The following DNMBP variants were observed in gnomAD, a reference collection of about 807,000 sequenced individuals.
DNMBP encodes the protein dynamin-binding protein.
A neutral mutation model predicts 150.0 loss-of-function variants in DNMBP; 87 were observed. The observed-to-expected ratio is 0.58, with a 90% CI of 0.49 to 0.69. DNMBP has a LOEUF of 0.69. DNMBP is among the 30% of genes least tolerant of loss of function. DNMBP has a pLI of 0.00. For synonymous variants in DNMBP, 711 were observed against 750.4 expected (o/e 0.95, Z 0.86); for missense variants, 1,774 against 1,949.0 (o/e 0.91, Z 1.69).
At chr10:99,889,555 G>C (rs1232325994) in intron 11 of DNMBP, 1 of 152,198 alleles carries the variant, frequency 6.6e-6, no homozygotes, top group Non-Finnish European at 1.5e-5. Flanking sequence ...AGAGACTTTT[G>C]TCTGTTTTGT....
chr10:99,922,502 GTTTTT>G (rs71189108), intron 4 of DNMBP, among the ~76,000 whole-genome samples: 4 of 78,774 alleles, frequency 5.1e-5, no homozygotes, highest in East Asian at 3.9e-4. Context: ...AGCTGCTGCT[GTTTTT>G]TTTTTTTTTT....
chr10:99,993,495 T>C (rs1485145264), intron 1 of DNMBP, among the ~76,000 whole-genome samples: 2 of 152,224 alleles, frequency 1.3e-5, no homozygotes, highest in East Asian at 3.8e-4. Flanking sequence ...GAAATCTCTA[T>C]ACTTCACACA....
chr10:99,967,668 GGTGTGTGTGTGTGTGT>G (rs140839578), intron 3 of DNMBP, among the ~76,000 whole-genome samples: 3 of 145,562 alleles, frequency 2.1e-5, no homozygotes, highest in Non-Finnish European at 4.5e-5. Flanking sequence ...GGTTTTTCTG[GGTGTGTGTGTGTGTGT>G]GTGTGTGTGT....
intron 6 of DNMBP, among the ~76,000 whole-genome samples, chr10:99,903,103 T>C (rs1343966604): frequency 1.9e-5 from 1 of 51,558 alleles, no homozygotes; most frequent in East Asian, 3.3e-4. Flanking sequence ...CCTGGGCAAT[T>C]TTTTTTTTTT....
At chr10:99,896,198 G>A (rs2039650239) in intron 10 of DNMBP, 69 bp downstream of exon 10, 1 of 1,554,940 alleles carries the variant, frequency 6.4e-7, no homozygotes, top group Non-Finnish European at 8.8e-7. Context: ...TTGACGCCAG[G>A]CAGGCTGTCT....
intron 11 of DNMBP, 57 bp from the exon 12 acceptor site, chr10:99,889,010 C>A: frequency 1.2e-6 from 2 of 1,601,636 alleles, no homozygotes; most frequent in South Asian, 1.1e-5. Flanking sequence ...CAGCTTTTGT[C>A]ATACATTCCA....
intron 6 of DNMBP, among the ~76,000 whole-genome samples, chr10:99,903,630 C>G (rs2039779394): frequency 6.6e-6 from 1 of 151,930 alleles, no homozygotes; most frequent in Non-Finnish European, 1.5e-5. Flanking sequence ...CCGTGCCTGG[C>G]CTTCACGGCC....
intron 4 of DNMBP, among the ~76,000 whole-genome samples, chr10:99,929,437 C>T (rs1207285377): frequency 6.6e-6 from 1 of 152,166 alleles, no homozygotes; most frequent in Non-Finnish European, 1.5e-5. Context: ...TTGCTCTGTA[C>T]AATGCCTTCC....
intron 1 of DNMBP, among the ~76,000 whole-genome samples, chr10:100,001,408 T>TTG (rs900843542): frequency 9.3e-5 from 5 of 53,752 alleles, no homozygotes; most frequent in African/African-American, 3.1e-4. Flanking sequence ...GGTTTTGTTG[T>TTG]TGTTGTTTTT....
At chr10:99,902,091 C>T (rs2039749714) in intron 6 of DNMBP, among the ~76,000 whole-genome samples, 1 of 151,750 alleles carries the variant, frequency 6.6e-6, no homozygotes, top group African/African-American at 2.4e-5. Context: ...GGTTTCGGCA[C>T]GTTGGTCAGG....
intron 4 of DNMBP, among the ~76,000 whole-genome samples, chr10:99,937,036 G>C (rs920976420): frequency 6.6e-6 from 1 of 152,148 alleles, no homozygotes; most frequent in African/African-American, 2.4e-5. Context: ...AAGTAGCTGA[G>C]ATTACAGGTG....
intron 4 of DNMBP, among the ~76,000 whole-genome samples, chr10:99,922,088 A>G (rs1445863969): frequency 6.6e-6 from 1 of 152,026 alleles, no homozygotes; most frequent in Non-Finnish European, 1.5e-5. Context: ...CCTCCCAAAT[A>G]TGACTACCAG....
Position 99,957,154 on chromosome 10 carries a change from C to T in DNMBP, c.320G>A (p.Arg107Gln), listed in dbSNP as rs922498924. 18 of 1,609,954 alleles carry T rather than the reference C, an allele frequency of 1.1e-5. No individual in the cohort carries two copies. The highest frequency in any genetic ancestry group is 8.8e-5 in the South Asian group (8 of 91,084). The change falls in exon 4 of 17, where the codon CGA becomes CAA. Residue 107 changes from arginine to glutamine, a missense_variant. Physicochemically the swap from Arg to Gln is conservative, Grantham distance 43. This residue lies in a region of DNMBP where 344 missense variants were observed against 456.6 expected (regional missense o/e 0.75). Coordinates refer to ENST00000324109, the MANE Select transcript of DNMBP (RefSeq NM_015221.4). ...GIPTAGWLQG[R>Q]SCWGARGFFP... ...GAAGCCCCGTGCGCCCCAGCAGCTT[C>T]GGCCCTGCAGCCAGCCTGCAGTGGG...
intron 6 of DNMBP, 69 bp from the exon 7 acceptor site, chr10:99,900,135 C>A: frequency 3.9e-6 from 6 of 1,545,382 alleles, no homozygotes; most frequent in South Asian, 1.2e-5. Context: ...ATGTAAGGTA[C>A]ACAGCCAAAC....
At position 99,976,524 on chromosome 10, in the gene DNMBP, T is replaced by G. The variant is rs1461506950; in HGVS notation, c.-10-4390A>C. On this transcript the variant is annotated intron_variant, in intron 1 of 16. Transcript: ENST00000324109. ...TCCACGCCCTTGCTATATTGCTGTT[T>G]ATGATCTGCTATGGAGGGGAGACCA... is the stretch of plus-strand genomic sequence containing the variant. 9.2e-5 allele frequency among the ~76,000 whole-genome samples: 14 copies of G among 152,340 alleles called. No individual in the cohort carries two copies. In the East Asian group the frequency reaches 2.7e-3, roughly 29 times the overall value.
intron 4 of DNMBP, chr10:99,914,077 T>G: frequency 7.0e-7 from 1 of 1,422,608 alleles, no homozygotes; most frequent in Non-Finnish European, 9.2e-7. Flanking sequence ...GGGTCGGCAT[T>G]TCCCCCAGGC....
chr10:99,906,747 C>T (rs1589410784), intron 6 of DNMBP, among the ~76,000 whole-genome samples: 1 of 152,142 alleles, frequency 6.6e-6, no homozygotes, highest in Admixed American at 6.6e-5. Flanking sequence ...TGATGGCAGT[C>T]CAGGCCAACA....
intron 3 of DNMBP, among the ~76,000 whole-genome samples, chr10:99,963,755 G>A (rs7899823): frequency 0.46 from 67,046 of 145,710 alleles, 16,250 homozygotes; most frequent in African/African-American, 0.62. Context: ...TCTTAGAATC[G>A]GATATGAGCA....
chr10:99,884,921 C>T (rs1268586097), intron 14 of DNMBP, among the ~76,000 whole-genome samples: 1 of 151,924 alleles, frequency 6.6e-6, no homozygotes, highest in Non-Finnish European at 1.5e-5. Flanking sequence ...CATAATTCTC[C>T]CTTTTAAGGT....
Sources: allele counts gnomAD v4.1 joint callset (sites outside exome capture counted in the v4.1 genomes callset), GRCh38; gene constraint gnomAD v4.1.1; regional missense constraint gnomAD v4.1.1; transcripts MANE v1.5; gene names NCBI Gene and HGNC (gene_info 2026-07-23, HGNC 2026-07-21).